The following UBR3 variants were observed in gnomAD, a reference collection of about 807,000 sequenced individuals.
UBR3 encodes ubiquitin protein ligase E3 component n-recognin 3, also known as E3 ubiquitin-protein ligase UBR3.
A neutral mutation model predicts 243.2 loss-of-function variants in UBR3; 85 were observed. The observed-to-expected ratio is 0.35, with a 90% CI of 0.29 to 0.42. The LOEUF (loss-of-function observed/expected upper bound fraction) is 0.42. Among genes scored for constraint, UBR3 ranks in the 10% least tolerant of loss-of-function variants. The probability of loss-of-function intolerance (pLI) is 1.00; values close to 1 mark genes in which losing one functional copy is unlikely to be tolerated. For missense variants in UBR3, 1,686 were observed against 2,300.8 expected, an observed-to-expected ratio of 0.73 and a Z score of 5.47; for synonymous variants, 748 against 799.8, an observed-to-expected ratio of 0.94 and a Z score of 1.09.
intron 1 of UBR3, among the ~76,000 whole-genome samples, chr2:169,857,066 T>TTTGTTTTTTG (rs1258782121): frequency 1.2e-4 from 8 of 67,138 alleles, no homozygotes; most frequent in Non-Finnish European, 1.8e-4. Flanking sequence ...TTTATTATGT[T>TTTGTTTTTTG]TTTTTTTTTT....
intron 27 of UBR3, among the ~76,000 whole-genome samples, chr2:170,003,674 C>T (rs935684416): frequency 6.6e-6 from 1 of 151,852 alleles, no homozygotes; most frequent in Non-Finnish European, 1.5e-5. Context: ...TGGAGTCTCA[C>T]TCTGTGCCCA....
chr2:169,960,448 C>T (rs1385078514), intron 24 of UBR3, among the ~76,000 whole-genome samples: 4 of 151,720 alleles, frequency 2.6e-5, no homozygotes, highest in Non-Finnish European at 5.9e-5. Flanking sequence ...TTAACCTGTA[C>T]TGAAATTCTG....
chr2:170,001,528 G>A (rs74735622), intron 27 of UBR3, 114 bp downstream of exon 27: 8,568 of 639,448 alleles, frequency 0.013, 84 homozygotes, highest in Non-Finnish European at 0.017. Flanking sequence ...TTTGATCATC[G>A]TATAAACTAT....
At chr2:169,968,448 A>G (rs1172418236) in intron 24 of UBR3, among the ~76,000 whole-genome samples, 1 of 152,156 alleles carries the variant, frequency 6.6e-6, no homozygotes, top group Non-Finnish European at 1.5e-5. Context: ...AAAAAGTGAT[A>G]TTTGTCTTTC....
rs972728976 is a variant in UBR3 at position 169,828,108 on chromosome 2, G to T, written c.545+56G>T. ...ACCCTGGGCCGGGGACGTCGCGGGA[G>T]GGCCTGGAGCGGAGCACTGGGAGCC... is the stretch of plus-strand genomic sequence containing the variant. On this transcript the variant is annotated intron_variant, in intron 1 of 38. Coordinates refer to ENST00000272793, the MANE Select transcript of UBR3 (RefSeq NM_172070.4). 4 of 1,346,034 alleles carry T rather than the reference G, an allele frequency of 3.0e-6. No individual in the cohort carries two copies. The African/African-American group carries it at 6.1e-5, about 21-fold the overall frequency. 83.4% of individuals were successfully genotyped at this position (1,346,034 alleles called of 1,614,324 possible).
At chr2:169,859,956 A>T (rs926758412) in intron 1 of UBR3, among the ~76,000 whole-genome samples, 1 of 151,968 alleles carries the variant, frequency 6.6e-6, no homozygotes, top group Non-Finnish European at 1.5e-5. Flanking sequence ...TGACCTTGTG[A>T]TCCACCCGCC....
chr2:169,832,205 T>C (rs1020306361), intron 1 of UBR3, among the ~76,000 whole-genome samples: 1 of 152,202 alleles, frequency 6.6e-6, no homozygotes, highest in Non-Finnish European at 1.5e-5. Context: ...AGAAAACAAT[T>C]GAGGATTCAT....
chr2:170,055,849 TA>T (rs2091320940), intron 33 of UBR3, among the ~76,000 whole-genome samples: 1 of 152,146 alleles, frequency 6.6e-6, no homozygotes, highest in South Asian at 2.1e-4. Flanking sequence ...AGAGAAGTTA[TA>T]AAAATTGTGC....
At chr2:169,865,107 G>A (rs912630694) in intron 1 of UBR3, among the ~76,000 whole-genome samples, 3 of 150,584 alleles carry the variant, frequency 2.0e-5, no homozygotes, top group Non-Finnish European at 3.0e-5. Context: ...TTTTTTTTTT[G>A]TTCTACTATT....
At chr2:170,066,577 A>G (rs2091572501) in intron 35 of UBR3, among the ~76,000 whole-genome samples, 1 of 152,202 alleles carries the variant, frequency 6.6e-6, no homozygotes. Context: ...TTCTGTCAAA[A>G]TAATTTTCCC....
intron 5 of UBR3, among the ~76,000 whole-genome samples, chr2:169,884,346 G>GT (rs2084010781): frequency 6.6e-6 from 1 of 151,894 alleles, no homozygotes; most frequent in Admixed American, 6.6e-5. Context: ...TAGAGACGGG[G>GT]TTTTTCCGTG....
chr2:170,013,343 G>A lies in UBR3; in HGVS notation c.4368-1938G>A, dbSNP rs1013134379. 4.2e-4 allele frequency among the ~76,000 whole-genome samples: 64 copies of A among 152,140 alleles called. 1 individual carries two copies. The highest frequency in any genetic ancestry group is 1.2e-3 in the African/African-American group (48 of 41,516). On this transcript the variant is annotated intron_variant, in intron 29 of 38. Coordinates refer to ENST00000272793, the MANE Select transcript of UBR3 (RefSeq NM_172070.4). ...GATATTGCTGGATACAGTGGTGTGC[G>A]CCTATTCCTGGATACTTGGGAGGCT...
At chr2:169,990,659 T>C (rs1456463865) in intron 25 of UBR3, among the ~76,000 whole-genome samples, 2 of 151,666 alleles carry the variant, frequency 1.3e-5, no homozygotes, top group East Asian at 3.9e-4. Flanking sequence ...AATTTGATTG[T>C]TACAAAGTGA....
chr2:169,905,717 T>C (rs1019622286), intron 9 of UBR3, among the ~76,000 whole-genome samples: 2 of 152,176 alleles, frequency 1.3e-5, no homozygotes, highest in African/African-American at 4.8e-5. Flanking sequence ...TGAAATCTAT[T>C]GTCTGAGAAA....
chr2:169,890,603 G>GTATATATATATGTATATATATT (rs2084339690), intron 5 of UBR3, among the ~76,000 whole-genome samples: 1 of 94,058 alleles, frequency 1.1e-5, no homozygotes, highest in Non-Finnish European at 2.2e-5. Flanking sequence ...GTATATATAT[G>GTATATATATATGTATATATATT]TATATATATC....
chr2:169,919,477 T>TA (rs1291768468), intron 11 of UBR3, among the ~76,000 whole-genome samples: 4 of 152,136 alleles, frequency 2.6e-5, no homozygotes, highest in African/African-American at 9.7e-5. Context: ...CTAATTAAAC[T>TA]AAAGAGCTTC....
chr2:170,066,339 T>C (rs1488212544), intron 35 of UBR3, among the ~76,000 whole-genome samples: 3 of 152,172 alleles, frequency 2.0e-5, no homozygotes, highest in African/African-American at 7.2e-5. Flanking sequence ...CCTTATCTTT[T>C]CTCTCTTCTT....
Position 170,050,029 on chromosome 2 carries a change from A to G in UBR3, c.4661-5431A>G, listed in dbSNP as rs543344984. 3.3e-5 allele frequency among the ~76,000 whole-genome samples: 5 copies of G among 152,304 alleles called. 1 individual carries two copies. In the South Asian group the frequency reaches 1.0e-3, roughly 32 times the overall value. On this transcript the variant is annotated intron_variant, in intron 32 of 38. Coordinates refer to ENST00000272793, the MANE Select transcript of UBR3 (RefSeq NM_172070.4). ...TGTTTTTTGAGAATGTTGGCAGTTTATTGGACCCAAAATTCAATTGCCTGA... is the reference window on the plus strand; with the variant it reads ...TGTTTTTTGAGAATGTTGGCAGTTTGTTGGACCCAAAATTCAATTGCCTGA...
At chr2:170,035,919 G>T (rs60238058) in intron 31 of UBR3, among the ~76,000 whole-genome samples, 2 of 128,458 alleles carry the variant, frequency 1.6e-5, no homozygotes, top group African/African-American at 5.6e-5. Context: ...TTGGGGGGGG[G>T]GTTGCTAATT....
Sources: allele counts gnomAD v4.1 joint callset (sites outside exome capture counted in the v4.1 genomes callset), GRCh38; gene constraint gnomAD v4.1.1; transcripts MANE v1.5; gene names NCBI Gene and HGNC (gene_info 2026-07-23, HGNC 2026-07-21).